Variants in HIP1 observed in about 807,000 individuals in gnomAD.
The protein encoded by HIP1 is huntingtin interacting protein 1.
In HIP1, 65 loss-of-function variants were observed where a neutral mutation model predicts 147.6. The observed-to-expected ratio is 0.44, with a 90% confidence interval of 0.36 to 0.54. The LOEUF is 0.54. HIP1 is among the 20% of genes least tolerant of loss of function. The probability of loss-of-function intolerance (pLI) is 0.00; values close to 1 mark genes in which losing one functional copy is unlikely to be tolerated. For missense variants in HIP1, 1,061 were observed against 1,299.6 expected (o/e 0.82, Z 2.82); for synonymous variants, 479 against 504.0 (o/e 0.95, Z 0.67).
intron 1 of HIP1, among the ~76,000 whole-genome samples, chr7:75,661,993 GGA>G (rs1175162062): frequency 6.6e-6 from 1 of 151,634 alleles, no homozygotes; most frequent in Non-Finnish European, 1.5e-5. Context: ...AAGCGCAATG[GGA>G]GAGAGATGGA....
At chr7:75,601,119 G>GT (rs200988945) in intron 1 of HIP1, among the ~76,000 whole-genome samples, 25 of 148,534 alleles carry the variant, frequency 1.7e-4, no homozygotes, top group South Asian at 8.6e-4. Flanking sequence ...TAAAGAGTTT[G>GT]TTTTTTTTTT....
At chr7:75,603,395 G>A (rs587732151) in intron 1 of HIP1, among the ~76,000 whole-genome samples, 3 of 150,926 alleles carry the variant, frequency 2.0e-5, no homozygotes, top group African/African-American at 4.9e-5. Context: ...AGACAGTATT[G>A]CCCTACCTTG....
Position 75,561,884 on chromosome 7 carries a change from A to C in HIP1, c.1118+189T>G, listed in dbSNP as rs587720085. Among the ~76,000 whole-genome samples, 42 of 152,238 alleles carry C rather than the reference A, an allele frequency of 2.8e-4. No individual in the cohort carries two copies. The South Asian group carries it at 8.3e-3, about 30-fold the overall frequency. On this transcript the variant is annotated intron_variant, in intron 12 of 30. Transcript: ENST00000336926. ...TTGGTCTTAAACTCCTGGCCTTAAA[A>C]AATCCTCCTACCTCATCCTCCCCAC...
intron 1 of HIP1, among the ~76,000 whole-genome samples, chr7:75,684,844 C>A (rs924186864): frequency 1.3e-5 from 2 of 152,164 alleles, no homozygotes; most frequent in Non-Finnish European, 2.9e-5. Context: ...GTAATCCCAG[C>A]ACTTTGGGAG....
intron 1 of HIP1, among the ~76,000 whole-genome samples, chr7:75,637,975 A>G (rs1798482819): frequency 1.6e-5 from 1 of 60,740 alleles, no homozygotes; most frequent in African/African-American, 7.3e-5. Context: ...GGGCAGACCC[A>G]GACCCCCCCC....
intron 1 of HIP1, among the ~76,000 whole-genome samples, chr7:75,671,488 A>G (rs1394662135): frequency 6.6e-6 from 1 of 152,088 alleles, no homozygotes; most frequent in East Asian, 1.9e-4. Flanking sequence ...GCTTGCTTCC[A>G]TGTTTTGGCT....
chr7:75,680,096 G>A (rs1442723398), intron 1 of HIP1, among the ~76,000 whole-genome samples: 2 of 152,168 alleles, frequency 1.3e-5, no homozygotes, highest in South Asian at 2.1e-4. Flanking sequence ...AGGCTGAAGT[G>A]CAGTGGCACG....
intron 25 of HIP1, 94 bp downstream of exon 25, chr7:75,546,845 C>T: frequency 1.1e-6 from 1 of 886,824 alleles, no homozygotes; most frequent in Non-Finnish European, 1.8e-6. Flanking sequence ...CAGGTGGACA[C>T]ACAGAGTAAG....
At chr7:75,724,928 A>G (rs1801607808) in intron 1 of HIP1, among the ~76,000 whole-genome samples, 1 of 152,152 alleles carries the variant, frequency 6.6e-6, no homozygotes, top group African/African-American at 2.4e-5. Context: ...TTCCGAGGGG[A>G]GGCAGAATTT....
At position 75,555,498 on chromosome 7, in the gene HIP1, G is replaced by T. The variant is rs145620535; in HGVS notation, c.1881C>A (p.Ser627=). ...GTATCACCTGCTCCGCAGCCTTCCTGGACCCCACCAGAAGCATTTTTCGTT... is the reference window on the plus strand; with the variant it reads ...GTATCACCTGCTCCGCAGCCTTCCTTGACCCCACCAGAAGCATTTTTCGTT... The part of the protein sequence containing the change: ...KDQRKMLLVG[S]RKAAEQVIQD... Residue 627 remains serine (S), a synonymous_variant, in exon 19 of 31, where the codon TCC becomes TCA. Coordinates refer to ENST00000336926, the MANE Select transcript of HIP1 (RefSeq NM_005338.7). The T allele has an allele frequency of 2.5e-6, 4 of 1,614,182 alleles. No individual in the cohort carries two copies. The highest frequency in any genetic ancestry group is 3.4e-6 in the Non-Finnish European group (4 of 1,180,018).
intron 1 of HIP1, among the ~76,000 whole-genome samples, chr7:75,710,578 C>T (rs1486005397): frequency 6.6e-6 from 1 of 152,060 alleles, no homozygotes; most frequent in Non-Finnish European, 1.5e-5. Flanking sequence ...TTGAGAAGAA[C>T]TGGTGTTAGT....
chr7:75,599,014 C>T (rs950358690), intron 2 of HIP1, among the ~76,000 whole-genome samples, 170 bp downstream of exon 2: 3 of 152,222 alleles, frequency 2.0e-5, no homozygotes, highest in African/African-American at 7.2e-5. Context: ...GGTCTGTGGT[C>T]TCTGCAGCCA....
chr7:75,633,528 T>C (rs1384158733), intron 1 of HIP1, among the ~76,000 whole-genome samples: 5 of 152,142 alleles, frequency 3.3e-5, no homozygotes, highest in East Asian at 3.9e-4. Flanking sequence ...CTGACCTTAG[T>C]TGATCCTCCC....
intron 1 of HIP1, among the ~76,000 whole-genome samples, chr7:75,712,810 T>C (rs1801200196): frequency 6.6e-6 from 1 of 152,208 alleles, no homozygotes; most frequent in Admixed American, 6.6e-5. Context: ...ATTCACTCAC[T>C]CATTTACTCA....
chr7:75,730,489 G>A (rs1444678902), intron 1 of HIP1, among the ~76,000 whole-genome samples: 7 of 150,484 alleles, frequency 4.7e-5, no homozygotes, highest in Non-Finnish European at 8.9e-5. Context: ...ACAGGCGCAC[G>A]CCACCACGCC....
chr7:75,723,179 G>A (rs1801550469), intron 1 of HIP1, among the ~76,000 whole-genome samples: 2 of 152,016 alleles, frequency 1.3e-5, no homozygotes, highest in Non-Finnish European at 2.9e-5. Flanking sequence ...CAGCCTGGCC[G>A]ACATGGTGAC....
At position 75,622,849 on chromosome 7, in the gene HIP1, T is replaced by TTATCTATCTATCTATA. The variant is rs1554507379; in HGVS notation, c.121-23603_121-23602insTATAGATAGATAGATA. On this transcript the variant is annotated intron_variant, in intron 1 of 30. Coordinates refer to ENST00000336926, the MANE Select transcript of HIP1 (RefSeq NM_005338.7). ...CAGAGCAAGATTGTCAAATAAATAA[T>TTATCTATCTATCTATA]TATCTATCTATCTATCTATCTATCT... Among the ~76,000 whole-genome samples the TTATCTATCTATCTATA allele has an allele frequency of 4.8e-5, 7 of 146,350 alleles. No homozygotes were observed. The East Asian group carries it at 1.4e-3, about 30-fold the overall frequency.
At chr7:75,723,945 TATATAGAG>T (rs1349400902) in intron 1 of HIP1, among the ~76,000 whole-genome samples, 13 of 129,984 alleles carry the variant, frequency 1.0e-4, no homozygotes, top group African/African-American at 3.8e-4. Context: ...CATTTATATA[TATATAGAG>T]AGAGAGAGAG....
Position 75,555,401 on chromosome 7 carries a change from C to A in HIP1, c.1963+15G>T, listed in dbSNP as rs1249043633. 1 of 1,612,844 alleles carries A rather than the reference C, an allele frequency of 6.2e-7. No homozygotes were observed. Among genetic ancestry groups the A allele is most frequent in the Non-Finnish European group, 8.5e-7 (1 of 1,179,976 alleles). ...AAGGACCTGGCCCCTGCCAGCTGGG[C>A]AATTGCAAGTGTACCTGCAGACCCA... is the stretch of plus-strand genomic sequence containing the variant. On this transcript the variant is annotated intron_variant, in intron 19 of 30. Transcript: ENST00000336926.
Sources: allele counts gnomAD v4.1 joint callset (sites outside exome capture counted in the v4.1 genomes callset), GRCh38; gene constraint gnomAD v4.1.1; transcripts MANE v1.5; gene names NCBI Gene and HGNC (gene_info 2026-07-23, HGNC 2026-07-21).